Variants in LAMA1 observed in about 807,000 individuals in gnomAD.
LAMA1 encodes the protein laminin subunit alpha 1.
LAMA1 carries 219 observed loss-of-function variants against 348.7 expected under a neutral mutation model. That is an observed-to-expected ratio of 0.63 (90% CI 0.56 to 0.70). The LOEUF (loss-of-function observed/expected upper bound fraction) is 0.70, where lower values mean the gene tolerates loss of function less well. LAMA1 is among the 30% of genes least tolerant of loss of function. The probability of loss-of-function intolerance (pLI) is 0.00; values close to 1 mark genes in which losing one functional copy is unlikely to be tolerated. For missense variants in LAMA1, 3,744 were observed against 3,888.0 expected (o/e 0.96, Z 0.99); for synonymous variants, 1,487 against 1,491.0 (o/e 1.00, Z 0.06).
rs1009213467 is a variant in LAMA1, at chr18:7,025,595, T to C, written c.2402+384A>G. 1.3e-3 allele frequency among the ~76,000 whole-genome samples: 191 copies of C among 152,228 alleles called. 2 individuals carry two copies. Among genetic ancestry groups the C allele is most frequent in the Non-Finnish European group, 2.1e-4 (14 of 68,046 alleles). Reference sequence around the variant, plus strand: ...TTTAGACTGCTCTTGTTTAGCCTCATGCGTACATATTTTGGTCATTAGATC... The same window carrying C: ...TTTAGACTGCTCTTGTTTAGCCTCACGCGTACATATTTTGGTCATTAGATC... On this transcript the variant is annotated intron_variant, in intron 17 of 62. Coordinates refer to ENST00000389658, the MANE Select transcript of LAMA1 (RefSeq NM_005559.4).
At position 7,043,302 on chromosome 18, in the gene LAMA1, A is replaced by G. The variant is rs1294460976; in HGVS notation, c.1080T>C (p.Val360=). The G allele has an allele frequency of 2.5e-6, 4 of 1,614,034 alleles. No individual in the cohort carries two copies. The African/African-American group carries it at 4.0e-5, about 16-fold the overall frequency. Residue 360 remains valine, a synonymous_variant, in exon 8 of 63, where the codon GTT becomes GTC. Coordinates refer to ENST00000389658, the MANE Select transcript of LAMA1 (RefSeq NM_005559.4). Reference sequence around the variant, plus strand: ...TGGTGTTCTGCAAGCAATTTATGCAAACCCCTCCTCCTCTGAACTGTCCAG... The same window carrying G: ...TGGTGTTCTGCAAGCAATTTATGCAGACCCCTCCTCCTCTGAACTGTCCAG... ...NTAGQFRGGG[V]CINCLQNTMG... is the part of the protein sequence containing the mutation.
intron 48 of LAMA1, 68 bp downstream of exon 48, chr18:6,971,789 A>G: frequency 6.2e-7 from 1 of 1,607,220 alleles, no homozygotes; most frequent in East Asian, 2.2e-5. Context: ...GTATTAATAC[A>G]TTCTTTCAGC....
At chr18:6,955,545 G>T in intron 56 of LAMA1, 80 bp from the exon 57 acceptor site, 1 of 961,508 alleles carries the variant, frequency 1.0e-6, no homozygotes, top group Non-Finnish European at 1.7e-6. Flanking sequence ...GCCATGAAGG[G>T]CCATCTACGA....
At chr18:7,049,543 G>T (rs370795592) in intron 4 of LAMA1, among the ~76,000 whole-genome samples, 1 of 152,066 alleles carries the variant, frequency 6.6e-6, no homozygotes, top group Non-Finnish European at 1.5e-5. Context: ...CAGGTGATCC[G>T]CCTGCCTTGC....
chr18:7,097,598 T>C (rs1305108336), intron 1 of LAMA1, among the ~76,000 whole-genome samples: 1 of 151,612 alleles, frequency 6.6e-6, no homozygotes, highest in East Asian at 1.9e-4. Context: ...GTTAACAAAG[T>C]TGAATGACTT....
intron 47 of LAMA1, chr18:6,972,222 G>T: frequency 2.1e-6 from 1 of 482,902 alleles, no homozygotes; most frequent in Non-Finnish European, 3.8e-6. Flanking sequence ...TAGGGTTGAT[G>T]GAGAGAATCG....
chr18:6,974,866 A>G, intron 46 of LAMA1, 37 bp downstream of exon 46: 1 of 1,613,378 alleles, frequency 6.2e-7, no homozygotes, highest in Non-Finnish European at 8.5e-7. Flanking sequence ...ACACACTTTA[A>G]AAAAGAGAGC....
Position 7,049,166 on chromosome 18 carries a change from C to T in LAMA1, c.680G>A (p.Arg227His), listed in dbSNP as rs772486258. The change falls in exon 5 of 63, where the codon CGC becomes CAC. Residue 227 changes from arginine (R) to histidine (H), a missense_variant. Physicochemically the swap from Arg to His is conservative, Grantham distance 29. Around this residue, in one of 3 missense-constraint regions of LAMA1, gnomAD observed 1,529 missense variants for 1,689.4 expected, o/e 0.91. Transcript: ENST00000389658. Reference sequence around the variant, plus strand: ...ATTGAGCGTTCTAATGCGTTGCAAGCGAAGGCGAATATATCGTGCAGAAGT... The same window carrying T: ...ATTGAGCGTTCTAATGCGTTGCAAGTGAAGGCGAATATATCGTGCAGAAGT... Reference protein sequence around the residue: ...EFTSARYIRLRLQRIRTLNAD... With the variant: ...EFTSARYIRLHLQRIRTLNAD... The T allele has an allele frequency of 4.5e-5, 72 of 1,613,838 alleles. No homozygotes were observed. The highest frequency in any genetic ancestry group is 6.7e-5 in the East Asian group (3 of 44,890).
In LAMA1 at chr18:7,032,855, A is replaced by G. The variant is rs1167333937; in HGVS notation, c.2163+129T>C. Reference sequence around the variant, plus strand: ...TGACTTCTAATATTTCTATTGCCCAAAAAAGACTGAGCCAAACATTGGGCT... The same window carrying G: ...TGACTTCTAATATTTCTATTGCCCAGAAAAGACTGAGCCAAACATTGGGCT... On this transcript the variant is annotated intron_variant, in intron 15 of 62. Transcript: ENST00000389658. 4.0e-6 allele frequency: 3 copies of G among 743,064 alleles called. No individual in the cohort carries two copies. The Admixed American group carries it at 6.1e-5, about 15-fold the overall frequency. 46.0% of individuals were successfully genotyped at this position (743,064 alleles called of 1,614,324 possible). A position where few individuals can be genotyped will look rare whatever the true frequency, so the allele number is the denominator to read the frequency against.
In LAMA1 at chr18:6,961,753, G is replaced by C. The variant is rs372517307; in HGVS notation, c.7459C>G (p.Arg2487Gly). The C allele has an allele frequency of 1.2e-6, 2 of 1,614,064 alleles. No homozygotes were observed. The highest frequency in any genetic ancestry group is 1.7e-6 in the Non-Finnish European group (2 of 1,179,992). ...CCGCCTTTCAGGAAGCTAACACTCC[G>C]GATGGGCTGGACACAGAGGAGATGG... is the stretch of plus-strand genomic sequence containing the variant. ...VRKGCLLEPI[R>G]SVSFLKGGYI... is the part of the protein sequence containing the mutation. Residue 2487 changes from arginine to glycine, a missense_variant, in exon 53 of 63, where the codon CGG becomes GGG. Arg to Gly is a moderately radical substitution (Grantham distance 125). This residue lies in a region of LAMA1 where 1,983 missense variants were observed against 1,934.3 expected (regional missense o/e 1.03). Transcript: ENST00000389658.
intron 3 of LAMA1, among the ~76,000 whole-genome samples, chr18:7,074,431 C>T (rs2058158751): frequency 6.6e-6 from 1 of 152,054 alleles, no homozygotes; most frequent in Non-Finnish European, 1.5e-5. Context: ...AATAAATTTT[C>T]CTGTAATTCG....
chr18:7,009,255 C>G lies in LAMA1; in HGVS notation c.3985G>C (p.Gly1329Arg). The change falls in exon 27 of 63, where the codon GGA becomes CGA. Residue 1329 changes from glycine (G) to arginine (R), a missense_variant. Around this residue, in one of 3 missense-constraint regions of LAMA1, gnomAD observed 1,983 missense variants for 1,934.3 expected, o/e 1.03. Coordinates refer to ENST00000389658, the MANE Select transcript of LAMA1 (RefSeq NM_005559.4). The part of the protein sequence containing the change: ...YILIKASYGQ[G>R]LQQSRISDIS... ...TCCAAGTACCTGCTCTGCTGTAATC[C>G]TTGACCATACGATGCCTTGATGAGG... 1 of 1,614,066 alleles carries G rather than the reference C, an allele frequency of 6.2e-7. No homozygotes were observed. The highest frequency in any genetic ancestry group is 8.5e-7 in the Non-Finnish European group (1 of 1,179,996).
At chr18:6,979,016 C>A (rs775770496) in intron 42 of LAMA1, among the ~76,000 whole-genome samples, 1 of 152,050 alleles carries the variant, frequency 6.6e-6, no homozygotes, top group Admixed American at 6.6e-5. Flanking sequence ...CATTCATTTT[C>A]GAAGCATTTA....
rs2144036802 is a variant in LAMA1, at chr18:6,975,936, C to G, written c.6489+1G>C. 1 of 1,614,042 alleles carries G rather than the reference C, an allele frequency of 6.2e-7. No homozygotes were observed. Among genetic ancestry groups the G allele is most frequent in the Non-Finnish European group, 8.5e-7 (1 of 1,180,002 alleles). On this transcript the variant is annotated splice_donor_variant, in intron 45 of 62. Transcript: ENST00000389658. LOFTEE classifies it high-confidence loss of function. The stretch of plus-strand genomic sequence containing the variant: ...TCGCTTTCCAAAGGTCCATAACTTA[C>G]AGCGGTGCTGCTACCGAGGTAGAAG...
At chr18:7,117,576 C>T (rs1003917885) in intron 1 of LAMA1, 84 bp downstream of exon 1, 286 of 1,433,434 alleles carry the variant, frequency 2.0e-4, no homozygotes, top group Non-Finnish European at 2.4e-4. Context: ...CTCCAGCAGC[C>T]CCAACGCGAC....
intron 23 of LAMA1, among the ~76,000 whole-genome samples, chr18:7,012,935 G>T (rs2057868107): frequency 6.7e-6 from 1 of 150,332 alleles, no homozygotes; most frequent in Non-Finnish European, 1.5e-5. Flanking sequence ...TGAGGCAGAG[G>T]GATCACCTGA....
At chr18:7,007,727 C>T (rs2144108333) in intron 28 of LAMA1, among the ~76,000 whole-genome samples, 1 of 151,840 alleles carries the variant, frequency 6.6e-6, no homozygotes, top group South Asian at 2.1e-4. Flanking sequence ...GATGGGGAAG[C>T]CACCCAAGTT....
chr18:7,028,467 A>T (rs1400896750), intron 16 of LAMA1, among the ~76,000 whole-genome samples: 6 of 152,254 alleles, frequency 3.9e-5, no homozygotes, highest in African/African-American at 1.2e-4. Flanking sequence ...CATGTAAGCC[A>T]CAAGGCAACA....
chr18:6,973,378 T>C (rs374812665), intron 46 of LAMA1, among the ~76,000 whole-genome samples, 171 bp from the exon 47 acceptor site: 2 of 152,160 alleles, frequency 1.3e-5, no homozygotes, highest in African/African-American at 2.4e-5. Flanking sequence ...TCTTCAAGAG[T>C]GTCTCTTCCG....
Sources: allele counts gnomAD v4.1 joint callset (sites outside exome capture counted in the v4.1 genomes callset), GRCh38; gene constraint gnomAD v4.1.1; regional missense constraint gnomAD v4.1.1; transcripts MANE v1.5; gene names NCBI Gene and HGNC (gene_info 2026-07-23, HGNC 2026-07-21).